Variants in COL22A1 observed in about 807,000 individuals in gnomAD.
COL22A1 encodes the protein collagen type XXII alpha 1 chain.
Under a neutral mutation model 248.9 loss-of-function variants are expected in COL22A1, and 221 were observed. The ratio of observed to expected loss-of-function variants is 0.89; its 90% CI spans 0.80 to 0.99. The LOEUF is 0.99. Ranked by LOEUF, COL22A1 falls within the 50% of genes least tolerant of loss-of-function variation. The pLI is 0.00. For missense variants in COL22A1, 2,240 were observed against 2,179.0 expected (o/e 1.03, Z -0.56); for synonymous variants, 891 against 793.4 (o/e 1.12, Z -2.07).
At chr8:138,670,487 G>A (rs966665519) in intron 41 of COL22A1, among the ~76,000 whole-genome samples, 1 of 152,160 alleles carries the variant, frequency 6.6e-6, no homozygotes, top group African/African-American at 2.4e-5. Context: ...CAGACAAGAT[G>A]GGGGTACTCA....
chr8:138,844,093 C>G lies in COL22A1; in HGVS notation c.724G>C (p.Glu242Gln). The change falls in exon 4 of 65, where the codon GAA becomes CAA. Residue 242 changes from glutamate to glutamine, a missense_variant. By Grantham distance (29) the Glu-to-Gln change is conservative (BLOSUM62 2). Coordinates refer to ENST00000303045, the MANE Select transcript of COL22A1 (RefSeq NM_152888.3). Reference protein sequence around the residue: ...RFKHTNGGTKEITGFDLMDLF... With the variant: ...RFKHTNGGTKQITGFDLMDLF... The stretch of plus-strand genomic sequence containing the variant: ...ATTGTTTTTCCCTTACCTGTGATTT[C>G]CTTGGTTCCTCCATTGGTGTGCTTA... 1.9e-6 allele frequency: 3 copies of G among 1,614,034 alleles called. No homozygotes were observed. The highest frequency in any genetic ancestry group is 3.3e-5 in the Admixed American group (2 of 60,030).
At chr8:138,764,225 C>G (rs1472889072) in intron 16 of COL22A1, among the ~76,000 whole-genome samples, 1 of 152,194 alleles carries the variant, frequency 6.6e-6, no homozygotes, top group Non-Finnish European at 1.5e-5. Flanking sequence ...GCCGCTCCCT[C>G]TGGGGATGGC....
At chr8:138,755,702 C>T in intron 19 of COL22A1, 83 bp downstream of exon 19, 2 of 1,448,218 alleles carry the variant, frequency 1.4e-6, no homozygotes, top group Non-Finnish European at 1.9e-6. Flanking sequence ...AAGAGCGTTG[C>T]CTTATTCTTA....
intron 37 of COL22A1, 37 bp downstream of exon 37, chr8:138,688,880 T>C: frequency 1.3e-6 from 2 of 1,571,338 alleles, no homozygotes; most frequent in African/African-American, 1.3e-5. Context: ...AAGTTAAGGA[T>C]ATTCACTTGT....
chr8:138,726,082 G>A (rs4074457), intron 23 of COL22A1, among the ~76,000 whole-genome samples: 74,832 of 151,984 alleles, frequency 0.49, 20,645 homozygotes, highest in South Asian at 0.61. Flanking sequence ...GCATCTTCAC[G>A]GGCCAGGAAC....
At chr8:138,691,123 A>G (rs913105883) in intron 35 of COL22A1, among the ~76,000 whole-genome samples, 2 of 152,164 alleles carry the variant, frequency 1.3e-5, no homozygotes, top group African/African-American at 4.8e-5. Flanking sequence ...GAAGTTCCTT[A>G]GAGCTAAGGC....
chr8:138,725,399 C>T lies in COL22A1; in HGVS notation c.2181G>A (p.Pro727=), dbSNP rs367667199. The T allele has an allele frequency of 4.9e-5, 79 of 1,614,102 alleles. No individual in the cohort carries two copies. Among genetic ancestry groups the T allele is most frequent in the Middle Eastern group, 1.6e-4 (1 of 6,062 alleles). The change falls in exon 24 of 65, where the codon CCG becomes CCA. Residue 727 remains proline (P), a synonymous_variant. Transcript: ENST00000303045. Reference sequence around the variant, plus strand: ...AAGCCAGTCTTACCGGAGAACCTCCCGGTCCAGGGGGGCCTGGGACACCAG... The same window carrying T: ...AAGCCAGTCTTACCGGAGAACCTCCTGGTCCAGGGGGGCCTGGGACACCAG... ...GPPGVPGPPG[P]GGSPGLPGEI...
intron 22 of COL22A1, among the ~76,000 whole-genome samples, chr8:138,742,730 G>A (rs1265174954): frequency 6.7e-6 from 1 of 149,972 alleles, no homozygotes; most frequent in Non-Finnish European, 1.5e-5. Flanking sequence ...GATGATGATG[G>A]TAGTAGTGAT....
intron 5 of COL22A1, chr8:138,827,359 A>G (rs1371826317): frequency 6.4e-6 from 1 of 156,978 alleles, no homozygotes; most frequent in East Asian, 1.8e-4. Context: ...CTTATAAGAG[A>G]GACCCCAGAG....
chr8:138,710,606 T>TATATATATATAG lies in COL22A1; in HGVS notation c.2517+5075_2517+5076insCTATATATATAT, dbSNP rs150247137. On this transcript the variant is annotated intron_variant, in intron 30 of 64. Coordinates refer to ENST00000303045, the MANE Select transcript of COL22A1 (RefSeq NM_152888.3). ...TGCCCATAATCTATCTATCTATCTA[T>TATATATATATAG]CTATATATATATATCTCCATTTCAC... 6.0e-3 allele frequency among the ~76,000 whole-genome samples: 888 copies of TATATATATATAG among 147,832 alleles called. 7 individuals carry two copies. Among genetic ancestry groups the TATATATATATAG allele is most frequent in the African/African-American group, 0.021 (853 of 39,892 alleles).
chr8:138,891,231 T>G (rs995935718), intron 1 of COL22A1, among the ~76,000 whole-genome samples: 1 of 152,212 alleles, frequency 6.6e-6, no homozygotes, highest in African/African-American at 2.4e-5. Context: ...CTCATCTGAT[T>G]GCTTAATGGT....
chr8:138,626,075 T>C (rs1820211392), intron 51 of COL22A1, 115 bp downstream of exon 51: 1 of 759,310 alleles, frequency 1.3e-6, no homozygotes, highest in Non-Finnish European at 2.1e-6. Flanking sequence ...TCTACAACAC[T>C]CAAAATTCTA....
chr8:138,690,123 C>T (rs1280602826), intron 36 of COL22A1, among the ~76,000 whole-genome samples: 2 of 152,238 alleles, frequency 1.3e-5, no homozygotes, highest in Non-Finnish European at 2.9e-5. Context: ...TATAAAGGCT[C>T]AGTCCTCTAA....
At chr8:138,644,112 A>G (rs1369377738) in intron 47 of COL22A1, among the ~76,000 whole-genome samples, 2 of 152,194 alleles carry the variant, frequency 1.3e-5, no homozygotes, top group Admixed American at 6.5e-5. Flanking sequence ...GCCAAAGTCA[A>G]TCTAAAATAA....
At chr8:138,603,941 C>G (rs1004980249) in intron 59 of COL22A1, among the ~76,000 whole-genome samples, 2 of 152,158 alleles carry the variant, frequency 1.3e-5, no homozygotes, top group Non-Finnish European at 1.5e-5. Flanking sequence ...CTGTTCATCT[C>G]TCATCAAATA....
intron 1 of COL22A1, among the ~76,000 whole-genome samples, chr8:138,883,537 T>C (rs1253062564): frequency 6.6e-6 from 1 of 152,200 alleles, no homozygotes; most frequent in East Asian, 1.9e-4. Flanking sequence ...CCGCCTGGTA[T>C]GGCTTGGCTC....
chr8:138,606,700 A>C (rs1818453334), intron 57 of COL22A1, among the ~76,000 whole-genome samples: 1 of 152,188 alleles, frequency 6.6e-6, no homozygotes, highest in African/African-American at 2.4e-5. Flanking sequence ...ATTTGAAGCA[A>C]CGAAAACAAA....
chr8:138,703,819 G>A (rs1035698183), intron 30 of COL22A1, among the ~76,000 whole-genome samples: 1 of 152,094 alleles, frequency 6.6e-6, no homozygotes, highest in Non-Finnish European at 1.5e-5. Context: ...GCCAAAGCAG[G>A]GCAGGGCATT....
chr8:138,744,807 A>T (rs1831974870), intron 22 of COL22A1, among the ~76,000 whole-genome samples: 1 of 152,056 alleles, frequency 6.6e-6, no homozygotes, highest in Non-Finnish European at 1.5e-5. Flanking sequence ...ACATCTATAA[A>T]GAGAGATTCC....
Sources: allele counts gnomAD v4.1 joint callset (sites outside exome capture counted in the v4.1 genomes callset), GRCh38; gene constraint gnomAD v4.1.1; transcripts MANE v1.5; gene names NCBI Gene and HGNC (gene_info 2026-07-23, HGNC 2026-07-21).